LTBP1: variants seen among roughly 807,000 people sequenced by gnomAD.
LTBP1 encodes latent transforming growth factor beta binding protein 1.
In LTBP1, 129 loss-of-function variants were observed where a neutral mutation model predicts 207.6. The observed-to-expected ratio is 0.62, with a 90% confidence interval of 0.54 to 0.72. The LOEUF (loss-of-function observed/expected upper bound fraction) is 0.72, where lower values mean the gene tolerates loss of function less well. Ranked by LOEUF, LTBP1 falls within the 30% of genes least tolerant of loss-of-function variation. The pLI, the probability that LTBP1 is intolerant of heterozygous loss-of-function variation, is 0.00. For missense variants in LTBP1, 2,281 were observed against 2,217.2 expected (o/e 1.03, Z -0.58); for synonymous variants, 963 against 833.7 (o/e 1.16, Z -2.67).
intron 2 of LTBP1, among the ~76,000 whole-genome samples, chr2:32,976,926 G>T (rs1160888992): frequency 1.3e-5 from 2 of 152,192 alleles, no homozygotes; most frequent in Non-Finnish European, 1.5e-5. Flanking sequence ...GGTGCTTCCT[G>T]GGGGAATATG....
chr2:33,212,021 T>C (rs1181748810), intron 7 of LTBP1, among the ~76,000 whole-genome samples: 1 of 152,218 alleles, frequency 6.6e-6, no homozygotes, highest in Non-Finnish European at 1.5e-5. Context: ...TACCCTGCAA[T>C]CTGTAATTTT....
chr2:33,304,510 C>A (rs2094052692), intron 22 of LTBP1, among the ~76,000 whole-genome samples: 1 of 152,232 alleles, frequency 6.6e-6, no homozygotes, highest in Non-Finnish European at 1.5e-5. Context: ...TAGAGTCAGA[C>A]TCCCAAGTGT....
At chr2:33,192,614 T>A (rs1333909942) in intron 7 of LTBP1, among the ~76,000 whole-genome samples, 1 of 152,156 alleles carries the variant, frequency 6.6e-6, no homozygotes, top group East Asian at 1.9e-4. Flanking sequence ...CTTAATTAAA[T>A]CTTGATTTTT....
intron 7 of LTBP1, among the ~76,000 whole-genome samples, chr2:33,215,270 C>G (rs956916789): frequency 5.9e-5 from 9 of 152,152 alleles, no homozygotes; most frequent in Admixed American, 2.0e-4. Flanking sequence ...CTATTATGCA[C>G]TCTACGTTAT....
At chr2:33,259,496 A>G (rs2092953236) in intron 12 of LTBP1, 92 bp from the exon 13 acceptor site, 1 of 886,330 alleles carries the variant, frequency 1.1e-6, no homozygotes, top group Non-Finnish European at 1.7e-6. Context: ...TTTTGCAGAG[A>G]TAATGGACTT....
At chr2:33,278,319 A>G (rs558940805) in intron 18 of LTBP1, among the ~76,000 whole-genome samples, 92 of 152,342 alleles carry the variant, frequency 6.0e-4, no homozygotes, top group African/African-American at 2.1e-3. Flanking sequence ...GCGTTCCCTC[A>G]GTAAATAATA....
chr2:33,005,114 G>C (rs1490911895), intron 2 of LTBP1, among the ~76,000 whole-genome samples: 1 of 152,056 alleles, frequency 6.6e-6, no homozygotes, highest in Non-Finnish European at 1.5e-5. Flanking sequence ...ATTAGCAGAA[G>C]CCCTGGAATG....
intron 2 of LTBP1, among the ~76,000 whole-genome samples, chr2:32,989,172 G>A (rs1378224717): frequency 6.6e-6 from 1 of 152,134 alleles, no homozygotes; most frequent in Non-Finnish European, 1.5e-5. Flanking sequence ...TTAAAATAAG[G>A]ATATAATTAT....
intron 2 of LTBP1, among the ~76,000 whole-genome samples, chr2:33,016,395 C>G (rs1332698428): frequency 6.6e-6 from 1 of 152,166 alleles, no homozygotes; most frequent in Non-Finnish European, 1.5e-5. Flanking sequence ...TGTCCGCAAG[C>G]CTGGATTAGG....
At chr2:33,278,036 G>A (rs1354722098) in intron 18 of LTBP1, among the ~76,000 whole-genome samples, 1 of 151,146 alleles carries the variant, frequency 6.6e-6, no homozygotes, top group Non-Finnish European at 1.5e-5. Context: ...GTGTCACCGT[G>A]TTAGCCAGGA....
chr2:33,070,062 T>C (rs543702067), intron 3 of LTBP1, among the ~76,000 whole-genome samples: 2 of 152,310 alleles, frequency 1.3e-5, no homozygotes, highest in South Asian at 4.1e-4. Flanking sequence ...GGGCCTGCCT[T>C]TGACTCAGCG....
intron 24 of LTBP1, among the ~76,000 whole-genome samples, chr2:33,341,345 G>A (rs7588894): frequency 0.52 from 79,497 of 151,802 alleles, 22,446 homozygotes; most frequent in African/African-American, 0.74. Flanking sequence ...GGCGGGAGAA[G>A]GAGCCCCACC....
rs546940359 is a variant in LTBP1 at position 33,235,213 on chromosome 2, C to CA, written c.1877-8446dup. 5.5e-4 allele frequency among the ~76,000 whole-genome samples: 84 copies of CA among 152,060 alleles called. 1 individual carries two copies. The East Asian group carries it at 0.012, about 22-fold the overall frequency. On this transcript the variant is annotated intron_variant, in intron 9 of 33. Coordinates refer to ENST00000404816, the MANE Select transcript of LTBP1 (RefSeq NM_206943.4). ...TTAAGCAAATTTACATGAAAAAAATCAAACAACTCCATCAAAAAGTAGGTG... is the reference window on the plus strand; with the variant it reads ...TTAAGCAAATTTACATGAAAAAAATCAAAACAACTCCATCAAAAAGTAGGTG...
At chr2:32,986,470 C>T (rs1683591294) in intron 2 of LTBP1, among the ~76,000 whole-genome samples, 1 of 152,196 alleles carries the variant, frequency 6.6e-6, no homozygotes, top group Non-Finnish European at 1.5e-5. Flanking sequence ...TGACATTAAG[C>T]CTGATTGGCT....
intron 2 of LTBP1, among the ~76,000 whole-genome samples, chr2:33,020,157 T>C (rs1204557805): frequency 2.0e-5 from 3 of 152,212 alleles, no homozygotes; most frequent in African/African-American, 2.4e-5. Context: ...TGGATTTTTA[T>C]ACAAACTAGC....
At chr2:33,313,316 A>G (rs1199311538) in intron 23 of LTBP1, among the ~76,000 whole-genome samples, 1 of 152,236 alleles carries the variant, frequency 6.6e-6, no homozygotes, top group African/African-American at 2.4e-5. Flanking sequence ...AAGGCTAAAG[A>G]GTTCAAGATT....
chr2:33,164,069 G>C (rs114234482), intron 5 of LTBP1, among the ~76,000 whole-genome samples: 1 of 151,770 alleles, frequency 6.6e-6, no homozygotes, highest in African/African-American at 2.4e-5. Flanking sequence ...AAGAATAATG[G>C]GCCGGGTGCA....
At chr2:33,265,291 AT>A (rs1237924531) in intron 15 of LTBP1, among the ~76,000 whole-genome samples, 1 of 152,236 alleles carries the variant, frequency 6.6e-6, no homozygotes, top group Non-Finnish European at 1.5e-5. Flanking sequence ...GGCAATATGT[AT>A]AAAAAACTTC....
chr2:33,095,224 C>T (rs2079320851), intron 3 of LTBP1, among the ~76,000 whole-genome samples: 1 of 151,886 alleles, frequency 6.6e-6, no homozygotes, highest in South Asian at 2.1e-4. Flanking sequence ...AAACTCTGAA[C>T]AAAATATAAA....
Sources: allele counts gnomAD v4.1 joint callset (sites outside exome capture counted in the v4.1 genomes callset), GRCh38; gene constraint gnomAD v4.1.1; transcripts MANE v1.5; gene names NCBI Gene and HGNC (gene_info 2026-07-23, HGNC 2026-07-21).